The following ADCY2 variants were observed in gnomAD, a reference collection of about 807,000 sequenced individuals.
The protein encoded by ADCY2 is adenylate cyclase 2, also known as adenylate cyclase type 2.
ADCY2 carries 31 observed loss-of-function variants against 125.2 expected under a neutral mutation model. The observed-to-expected ratio is 0.25, with a 90% CI of 0.19 to 0.33. ADCY2 has a LOEUF of 0.33. Among genes scored for constraint, ADCY2 ranks in the 10% least tolerant of loss-of-function variants. The probability of loss-of-function intolerance (pLI) is 1.00; values close to 1 mark genes in which losing one functional copy is unlikely to be tolerated. For missense variants in ADCY2, 904 were observed against 1,418.2 expected (o/e 0.64, Z 5.82); for synonymous variants, 512 against 548.4 (o/e 0.93, Z 0.93).
chr5:7,829,152 C>T lies in ADCY2; in HGVS notation c.*2281C>T, dbSNP rs1361055170. 1 of 152,300 alleles carries T rather than the reference C, an allele frequency of 6.6e-6. No homozygotes were observed. The highest frequency in any genetic ancestry group is 2.4e-5 in the African/African-American group (1 of 41,428). The allele number at this position is 152,300 out of a possible 1,614,324, so 9.4% of individuals were successfully genotyped here. On this transcript the variant is annotated 3_prime_UTR_variant, in exon 25 of 25. Transcript: ENST00000338316. ...GCCTTAGCATCCCCTGTGAACTTATCAAAAATGCAAATTCTCAGGCCCCAA... is the reference window on the plus strand; with the variant it reads ...GCCTTAGCATCCCCTGTGAACTTATTAAAAATGCAAATTCTCAGGCCCCAA...
intron 2 of ADCY2, among the ~76,000 whole-genome samples, chr5:7,452,167 C>T (rs1031107377): frequency 6.6e-6 from 1 of 152,166 alleles, no homozygotes; most frequent in Non-Finnish European, 1.5e-5. Context: ...CCTGCCTCAG[C>T]CTCTCAAAGT....
chr5:7,482,777 TATATATATATATATAC>T (rs1223046616), intron 2 of ADCY2, among the ~76,000 whole-genome samples: 3 of 145,354 alleles, frequency 2.1e-5, no homozygotes, highest in Admixed American at 6.9e-5. Context: ...GATATATATA[TATATATATATATATAC>T]ACACACACAT....
chr5:7,652,230 C>T (rs1739121380), intron 4 of ADCY2, among the ~76,000 whole-genome samples: 1 of 152,160 alleles, frequency 6.6e-6, no homozygotes, highest in Non-Finnish European at 1.5e-5. Flanking sequence ...TAAATCATTC[C>T]CTGCTTATAG....
At chr5:7,469,275 G>A (rs1279330760) in intron 2 of ADCY2, among the ~76,000 whole-genome samples, 2 of 150,132 alleles carry the variant, frequency 1.3e-5, no homozygotes, top group Non-Finnish European at 2.9e-5. Flanking sequence ...TATACAATAT[G>A]TGTGACTATA....
intron 2 of ADCY2, among the ~76,000 whole-genome samples, chr5:7,485,846 A>G (rs1742905523): frequency 1.3e-5 from 2 of 152,218 alleles, no homozygotes; most frequent in African/African-American, 2.4e-5. Context: ...TCTTTATATT[A>G]GAAAAACAGA....
rs1744418248 is a variant in ADCY2, at chr5:7,520,837, A to G, written c.508A>G (p.Thr170Ala). ...IASVLTSSSH[T>A]IVLSVCLSAT... ...CAGCGTCCTCACCTCCTCCTCCCAC[A>G]CCATCGTGCTTAGCGTCTGCCTGTC... Residue 170 changes from threonine (T) to alanine (A), a missense_variant, in exon 3 of 25, where the codon ACC becomes GCC. Around this residue, in one of 7 missense-constraint regions of ADCY2, gnomAD observed 121 missense variants for 161.5 expected, o/e 0.75. Transcript: ENST00000338316. 1.9e-6 allele frequency: 3 copies of G among 1,613,936 alleles called. No individual in the cohort carries two copies. The highest frequency in any genetic ancestry group is 2.5e-6 in the Non-Finnish European group (3 of 1,179,998).
intron 10 of ADCY2, among the ~76,000 whole-genome samples, chr5:7,712,088 G>A (rs567157079): frequency 6.6e-6 from 1 of 152,242 alleles, no homozygotes; most frequent in East Asian, 1.9e-4. Flanking sequence ...GAAACTTGGA[G>A]CTCAATCACT....
At chr5:7,399,049 G>A (rs767760411) in intron 1 of ADCY2, among the ~76,000 whole-genome samples, 10 of 152,212 alleles carry the variant, frequency 6.6e-5, no homozygotes, top group Non-Finnish European at 1.5e-4. Flanking sequence ...ACCTTGGGAG[G>A]TGGGAATGGC....
At chr5:7,719,680 G>C (rs760906960) in intron 12 of ADCY2, among the ~76,000 whole-genome samples, 9 of 152,298 alleles carry the variant, frequency 5.9e-5, no homozygotes, top group Non-Finnish European at 1.3e-4. Context: ...GAGCTCTCTG[G>C]TGTCTTGTCT....
At chr5:7,663,088 A>G (rs962426718) in intron 4 of ADCY2, among the ~76,000 whole-genome samples, 46 of 152,380 alleles carry the variant, frequency 3.0e-4, no homozygotes, top group African/African-American at 1.1e-3. Context: ...AGCAGTCCAG[A>G]TCAACGAATA....
chr5:7,734,272 C>T (rs1233587798), intron 14 of ADCY2, among the ~76,000 whole-genome samples: 1 of 152,130 alleles, frequency 6.6e-6, no homozygotes, highest in Non-Finnish European at 1.5e-5. Context: ...AGAGAGATAG[C>T]TTGTAATTAA....
intron 22 of ADCY2, among the ~76,000 whole-genome samples, chr5:7,809,202 T>G (rs1744857229): frequency 6.6e-6 from 1 of 151,992 alleles, no homozygotes; most frequent in East Asian, 1.9e-4. Context: ...GAGATAAGAG[T>G]TTTAGGACAT....
chr5:7,541,024 T>G (rs1412183252), intron 3 of ADCY2, among the ~76,000 whole-genome samples: 5 of 152,174 alleles, frequency 3.3e-5, no homozygotes, highest in Non-Finnish European at 7.4e-5. Context: ...CCGCCTATAG[T>G]CAACCCTCCT....
At chr5:7,736,001 C>T (rs1195790811) in intron 14 of ADCY2, among the ~76,000 whole-genome samples, 1 of 152,156 alleles carries the variant, frequency 6.6e-6, no homozygotes, top group East Asian at 1.9e-4. Flanking sequence ...AGTTTGAGAT[C>T]AGCCTGGACA....
At chr5:7,740,161 G>A (rs1217953000) in intron 14 of ADCY2, among the ~76,000 whole-genome samples, 1 of 151,764 alleles carries the variant, frequency 6.6e-6, no homozygotes, top group Non-Finnish European at 1.5e-5. Flanking sequence ...AAAGGATATA[G>A]AACAGCTATT....
chr5:7,510,096 A>T (rs1743999527), intron 2 of ADCY2, among the ~76,000 whole-genome samples: 1 of 152,184 alleles, frequency 6.6e-6, no homozygotes, highest in Admixed American at 6.5e-5. Context: ...GTCCTCTGTA[A>T]TTGTTGATGT....
At chr5:7,653,746 C>A (rs1739184443) in intron 4 of ADCY2, among the ~76,000 whole-genome samples, 1 of 152,148 alleles carries the variant, frequency 6.6e-6, no homozygotes, top group Admixed American at 6.5e-5. Context: ...GAAATATTTG[C>A]TGACTGATTT....
At chr5:7,725,506 G>A (rs1489136468) in intron 13 of ADCY2, among the ~76,000 whole-genome samples, 1 of 151,998 alleles carries the variant, frequency 6.6e-6, no homozygotes, top group Non-Finnish European at 1.5e-5. Context: ...GTTGTCTACT[G>A]CTAAGTAGAG....
At chr5:7,742,647 A>G (rs2126431559) in intron 14 of ADCY2, among the ~76,000 whole-genome samples, 1 of 152,244 alleles carries the variant, frequency 6.6e-6, no homozygotes, top group Non-Finnish European at 1.5e-5. Context: ...CAGCATCAGG[A>G]GCTTTACTCA....
Sources: gnomAD v4.1 joint callset for allele counts (sites outside exome capture counted in the v4.1 genomes callset) on GRCh38, gnomAD v4.1.1 for gene constraint, gnomAD v4.1.1 regional missense constraint, MANE v1.5 for transcripts, NCBI Gene and HGNC (gene_info 2026-07-23, HGNC 2026-07-21) for gene names.